PRR11: variants seen among roughly 807,000 people sequenced by gnomAD.
PRR11 encodes proline rich 11.
PRR11 carries 30 observed loss-of-function variants against 45.6 expected under a neutral mutation model. The observed-to-expected ratio is 0.66, with a 90% CI of 0.49 to 0.89. PRR11 has a LOEUF of 0.89. PRR11 is among the 40% of genes least tolerant of loss of function. The probability of loss-of-function intolerance (pLI) is 0.00; values close to 1 mark genes in which losing one functional copy is unlikely to be tolerated. For missense variants in PRR11, 373 were observed against 424.8 expected (o/e 0.88, Z 1.07); for synonymous variants, 128 against 153.5 (o/e 0.83, Z 1.23).
intron 7 of PRR11, among the ~76,000 whole-genome samples, chr17:59,196,668 C>T (rs1269482493): frequency 2.6e-5 from 4 of 152,000 alleles, no homozygotes; most frequent in African/African-American, 9.7e-5. Flanking sequence ...TGAGCCACTG[C>T]GCCTGACTTA....
chr17:59,196,831 C>G (rs989552706), intron 7 of PRR11, among the ~76,000 whole-genome samples: 7 of 152,000 alleles, frequency 4.6e-5, no homozygotes, highest in Non-Finnish European at 1.0e-4. Flanking sequence ...ATCTTATGTT[C>G]CCATCGGCAT....
At chr17:59,158,576 AAG>A (rs1464626132) in intron 1 of PRR11, among the ~76,000 whole-genome samples, 2 of 152,366 alleles carry the variant, frequency 1.3e-5, no homozygotes, top group Middle Eastern at 3.4e-3. Context: ...TACGTACAGA[AAG>A]AGTGTGTGTA....
chr17:59,182,023 T>C (rs1160374851), intron 2 of PRR11, among the ~76,000 whole-genome samples: 4 of 87,454 alleles, frequency 4.6e-5, no homozygotes, highest in Middle Eastern at 5.6e-3. Flanking sequence ...TTTTTTGTTA[T>C]TGGTTTTTTT....
At chr17:59,180,236 T>C (rs1403282489) in intron 2 of PRR11, among the ~76,000 whole-genome samples, 3 of 150,974 alleles carry the variant, frequency 2.0e-5, no homozygotes, top group South Asian at 2.1e-4. Context: ...GTTCCAGTGA[T>C]TCTCCTGCCT....
intron 2 of PRR11, among the ~76,000 whole-genome samples, chr17:59,176,379 A>C (rs187312056): frequency 2.2e-4 from 33 of 152,302 alleles, no homozygotes; most frequent in African/African-American, 7.5e-4. Flanking sequence ...CTCAGGCTGC[A>C]CTAGGAAGCC....
rs1170136184 is a variant in PRR11, at chr17:59,205,686, C to T, written c.*4055C>T. ...TGCACTCCAGCTTGAGCAACAAGAG[C>T]GAAACTGTCTCAAAAAAAAAAAAAA... is the stretch of plus-strand genomic sequence containing the variant. On this transcript the variant is annotated 3_prime_UTR_variant, in exon 10 of 10. Coordinates refer to ENST00000262293, the MANE Select transcript of PRR11 (RefSeq NM_018304.4). Among the ~76,000 whole-genome samples, 13 of 145,662 alleles carry T rather than the reference C, an allele frequency of 8.9e-5. No homozygotes were observed. Among genetic ancestry groups the T allele is most frequent in the Middle Eastern group, 3.5e-3 (1 of 284 alleles).
chr17:59,174,072 C>T (rs1260546898), intron 2 of PRR11, among the ~76,000 whole-genome samples: 3 of 152,196 alleles, frequency 2.0e-5, no homozygotes, highest in East Asian at 1.9e-4. Flanking sequence ...TCTGAACCAT[C>T]GTGTTCAGCT....
chr17:59,169,901 G>A, intron 2 of PRR11, 21 bp downstream of exon 2: 2 of 1,578,808 alleles, frequency 1.3e-6, no homozygotes, highest in African/African-American at 1.4e-5. Flanking sequence ...ATGTGGAACA[G>A]AAAAAATATT....
Position 59,169,778 on chromosome 17 carries a change from G to C in PRR11, c.26G>C (p.Arg9Pro). Residue 9 changes from arginine (R) to proline (P), a missense_variant, in exon 2 of 10, where the codon CGA becomes CCA. Coordinates refer to ENST00000262293, the MANE Select transcript of PRR11 (RefSeq NM_018304.4). MPKFKQRR[R>P]KLKAKAERLF... ...ATGCCCAAGTTCAAACAACGAAGAC[G>C]AAAGCTAAAAGCCAAAGCCGAAAGA... 6.3e-7 allele frequency: 1 copy of C among 1,599,584 alleles called. No individual in the cohort carries two copies. The highest frequency in any genetic ancestry group is 8.5e-7 in the Non-Finnish European group (1 of 1,176,156).
chr17:59,175,055 C>T, intron 2 of PRR11: 2 of 603,790 alleles, frequency 3.3e-6, no homozygotes, highest in South Asian at 1.6e-5. Context: ...GGGAGTGGTT[C>T]TTCCCGTACA....
chr17:59,175,064 C>T, intron 2 of PRR11: 1 of 593,022 alleles, frequency 1.7e-6, no homozygotes, highest in East Asian at 4.2e-5. Context: ...TCTTCCCGTA[C>T]AGGAAGTAGA....
At chr17:59,185,907 T>C (rs1366388554) in intron 4 of PRR11, among the ~76,000 whole-genome samples, 1 of 152,164 alleles carries the variant, frequency 6.6e-6, no homozygotes, top group Non-Finnish European at 1.5e-5. Flanking sequence ...GTCAAGTTAG[T>C]AGATATATTG....
intron 7 of PRR11, among the ~76,000 whole-genome samples, chr17:59,196,429 T>C (rs2046866374): frequency 6.6e-6 from 1 of 152,148 alleles, no homozygotes; most frequent in African/African-American, 2.4e-5. Context: ...CAGACTGGAG[T>C]GCAGTGATGC....
At chr17:59,178,621 G>GTTC (rs2046762747) in intron 2 of PRR11, 1 of 519,828 alleles carries the variant, frequency 1.9e-6, no homozygotes, top group Non-Finnish European at 3.8e-6. Flanking sequence ...GTCTCCCAGG[G>GTTC]GGAAGTCTCA....
chr17:59,188,447 G>A (rs900403720), intron 4 of PRR11, among the ~76,000 whole-genome samples: 3 of 151,906 alleles, frequency 2.0e-5, no homozygotes, highest in East Asian at 1.9e-4. Context: ...TATTTATTGC[G>A]GTGTGATTTG....
Position 59,206,477 on chromosome 17 carries a change from C to G in PRR11, c.*4846C>G, listed in dbSNP as rs1327916626. 6.6e-6 allele frequency among the ~76,000 whole-genome samples: 1 copy of G among 151,780 alleles called. No homozygotes were observed. Among genetic ancestry groups the G allele is most frequent in the African/African-American group, 2.4e-5 (1 of 41,342 alleles). On this transcript the variant is annotated 3_prime_UTR_variant, in exon 10 of 10. Coordinates refer to ENST00000262293, the MANE Select transcript of PRR11 (RefSeq NM_018304.4). ...TGCAAAGCTGCTACTGCCATTGTAC[C>G]AGTGTTAAAATGTGTTCTACCTTGC...
At chr17:59,184,128 A>T (rs540245312) in intron 2 of PRR11, among the ~76,000 whole-genome samples, 1 of 152,230 alleles carries the variant, frequency 6.6e-6, no homozygotes, top group East Asian at 1.9e-4. Context: ...TTGATAAAAA[A>T]TAAAAGAGTT....
intron 2 of PRR11, among the ~76,000 whole-genome samples, chr17:59,181,220 C>A (rs188238013): frequency 6.6e-6 from 1 of 151,082 alleles, no homozygotes; most frequent in Non-Finnish European, 1.5e-5. Context: ...GATCTCCTGA[C>A]CTCGTAATCC....
In PRR11 at chr17:59,195,341, C is replaced by T. The variant is rs1362531856; in HGVS notation, c.755C>T (p.Ser252Leu). 4.3e-6 allele frequency: 7 copies of T among 1,611,984 alleles called. No individual in the cohort carries two copies. Among genetic ancestry groups the T allele is most frequent in the Non-Finnish European group, 5.9e-6 (7 of 1,178,208 alleles). ...ATTTTATAATTAAAGCTTATACCAT[C>T]GCCGAAAGCACGGAATCCACTAGTT... ...SLDEKRKLIPSPKARNPLVTV... is the reference protein window; with the variant it reads ...SLDEKRKLIPLPKARNPLVTV... The change falls in exon 7 of 10, where the codon TCG (serine) becomes TTG (leucine). Residue 252 changes from serine to leucine, a missense_variant. Coordinates refer to ENST00000262293, the MANE Select transcript of PRR11 (RefSeq NM_018304.4).
Sources: gnomAD v4.1 joint callset for allele counts (sites outside exome capture counted in the v4.1 genomes callset) on GRCh38, gnomAD v4.1.1 for gene constraint, MANE v1.5 for transcripts, NCBI Gene and HGNC (gene_info 2026-07-23, HGNC 2026-07-21) for gene names.